NT5C2: variants seen among roughly 807,000 people sequenced by gnomAD.
The protein encoded by NT5C2 is cytosolic purine 5'-nucleotidase.
A neutral mutation model predicts 76.1 loss-of-function variants in NT5C2; 58 were observed. The observed-to-expected ratio is 0.76, with a 90% CI of 0.62 to 0.95. The LOEUF (loss-of-function observed/expected upper bound fraction) is 0.95, where lower values mean the gene tolerates loss of function less well. Among genes scored for constraint, NT5C2 ranks in the 40% least tolerant of loss-of-function variants. The probability of loss-of-function intolerance (pLI) is 0.00; values close to 1 mark genes in which losing one functional copy is unlikely to be tolerated. For synonymous variants in NT5C2, 229 were observed against 237.4 expected, an observed-to-expected ratio of 0.96 and a Z score of 0.32; for missense variants, 478 against 690.3, an observed-to-expected ratio of 0.69 and a Z score of 3.45.
Position 103,089,497 on chromosome 10 carries a change from G to A in NT5C2, c.*175C>T. The A allele has an allele frequency of 8.3e-7, 1 of 1,207,488 alleles. No homozygotes were observed. Among genetic ancestry groups the A allele is most frequent in the South Asian group, 1.9e-5 (1 of 52,524 alleles). 74.8% of individuals were successfully genotyped at this position (1,207,488 alleles called of 1,614,324 possible). A position where few individuals can be genotyped will look rare whatever the true frequency, so the allele number is the denominator to read the frequency against. ...TTTTGGACCATCTGCAGAGAGTACA[G>A]ATACACAAAACCAAAACAAGTATCT... On this transcript the variant is annotated 3_prime_UTR_variant, in exon 19 of 19. Transcript: ENST00000404739.
In NT5C2 at chr10:103,097,358, A is replaced by C; in HGVS notation, c.704T>G (p.Leu235Arg). Residue 235 changes from leucine to arginine, a missense_variant, in exon 11 of 19, where the codon CTT becomes CGT. By Grantham distance (102) the Leu-to-Arg change is moderately radical (BLOSUM62 -2). Transcript: ENST00000404739. ...CCCTACTTCCTTCATCCGGCTCAGA[A>C]GCAAAGGCAGTTTTCCCTGAAATGT... ...YVVKDGKLPLLLSRMKEVGKV... is the reference protein window; with the variant it reads ...YVVKDGKLPLRLSRMKEVGKV... 1 of 1,613,720 alleles carries C rather than the reference A, an allele frequency of 6.2e-7. No homozygotes were observed. The highest frequency in any genetic ancestry group is 8.5e-7 in the Non-Finnish European group (1 of 1,179,740).
At chr10:103,159,293 A>ACACACACAC (rs61684615) in intron 3 of NT5C2, among the ~76,000 whole-genome samples, 2 of 149,514 alleles carry the variant, frequency 1.3e-5, no homozygotes, top group Non-Finnish European at 3.0e-5. Flanking sequence ...ACACACACAC[A>ACACACACAC]ATTAGAGCTA....
intron 3 of NT5C2, among the ~76,000 whole-genome samples, chr10:103,142,872 A>T (rs2080754004): frequency 1.3e-5 from 2 of 151,506 alleles, no homozygotes; most frequent in Non-Finnish European, 2.9e-5. Flanking sequence ...AATCCCAGCT[A>T]CTCAGGAGGC....
intron 1 of NT5C2, among the ~76,000 whole-genome samples, chr10:103,187,493 A>T (rs947085208): frequency 1.3e-5 from 2 of 150,694 alleles, no homozygotes; most frequent in Non-Finnish European, 3.0e-5. Context: ...CAGAGGTTGC[A>T]GTGAGCTGAG....
intron 4 of NT5C2, among the ~76,000 whole-genome samples, chr10:103,130,018 G>A (rs1200688546): frequency 2.6e-5 from 4 of 151,496 alleles, no homozygotes; most frequent in African/African-American, 7.3e-5. Context: ...GAAGTGAGGA[G>A]CCCCTCTGCC....
At chr10:103,143,619 T>G (rs1465148473) in intron 3 of NT5C2, among the ~76,000 whole-genome samples, 10 of 141,274 alleles carry the variant, frequency 7.1e-5, no homozygotes, top group East Asian at 6.1e-4. Flanking sequence ...TTTTTTTTTT[T>G]TTTTTTTTTT....
intron 3 of NT5C2, among the ~76,000 whole-genome samples, chr10:103,148,325 G>A (rs569980199): frequency 6.6e-6 from 1 of 152,334 alleles, no homozygotes; most frequent in Non-Finnish European, 1.5e-5. Flanking sequence ...AGCAGTGGCT[G>A]GGTGCGGTGG....
intron 3 of NT5C2, among the ~76,000 whole-genome samples, chr10:103,172,035 C>A (rs917141298): frequency 6.6e-6 from 1 of 151,814 alleles, no homozygotes; most frequent in African/African-American, 2.4e-5. Flanking sequence ...CACGGTGAAA[C>A]CCTGTCTCTA....
At chr10:103,192,201 C>G (rs556781578) in intron 1 of NT5C2, among the ~76,000 whole-genome samples, 1 of 152,056 alleles carries the variant, frequency 6.6e-6, no homozygotes, top group South Asian at 2.1e-4. Context: ...CTTGAAGAGG[C>G]GAAATGAATA....
Position 103,181,271 on chromosome 10 carries a change from T to A in NT5C2, c.-111A>T, listed in dbSNP as rs1019380995. Reference sequence around the variant, plus strand: ...ACTTTGGGAGGCCGAGGCGAATGGATCACTTGACGTCAGGAGATCACATCA... The same window carrying A: ...ACTTTGGGAGGCCGAGGCGAATGGAACACTTGACGTCAGGAGATCACATCA... On this transcript the variant is annotated 5_prime_UTR_variant, in exon 2 of 19. Coordinates refer to ENST00000404739, the MANE Select transcript of NT5C2 (RefSeq NM_001351169.2). 3.3e-5 allele frequency: 5 copies of A among 150,776 alleles called. No individual in the cohort carries two copies. The highest frequency in any genetic ancestry group is 5.9e-5 in the Non-Finnish European group (4 of 67,834). 9.3% of individuals were successfully genotyped at this position (150,776 alleles called of 1,614,324 possible).
chr10:103,150,957 A>T (rs1225776528), intron 3 of NT5C2, among the ~76,000 whole-genome samples: 4 of 152,202 alleles, frequency 2.6e-5, no homozygotes, highest in Non-Finnish European at 5.9e-5. Context: ...TTGATTTTTT[A>T]AATTTTGATG....
chr10:103,145,631 G>A (rs559615975), intron 3 of NT5C2, among the ~76,000 whole-genome samples: 75 of 152,188 alleles, frequency 4.9e-4, no homozygotes, highest in African/African-American at 1.7e-3. Flanking sequence ...CAAACTTGCC[G>A]CCCTAGAAAG....
chr10:103,156,624 G>C (rs1193377381), intron 3 of NT5C2, among the ~76,000 whole-genome samples: 1 of 151,602 alleles, frequency 6.6e-6, no homozygotes, highest in Non-Finnish European at 1.5e-5. Context: ...GCATGGTGGC[G>C]CATGCCTGTA....
At chr10:103,155,346 C>G (rs1309860849) in intron 3 of NT5C2, among the ~76,000 whole-genome samples, 1 of 152,168 alleles carries the variant, frequency 6.6e-6, no homozygotes, top group African/African-American at 2.4e-5. Flanking sequence ...ATTACCTCAT[C>G]TAATCTTTGC....
At chr10:103,133,607 T>C (rs561277915) in intron 4 of NT5C2, among the ~76,000 whole-genome samples, 1 of 152,308 alleles carries the variant, frequency 6.6e-6, no homozygotes, top group South Asian at 2.1e-4. Flanking sequence ...TATGTCTTTA[T>C]TAGCAGCATG....
intron 17 of NT5C2, 28 bp downstream of exon 17, chr10:103,090,908 A>G: frequency 6.2e-7 from 1 of 1,610,872 alleles, no homozygotes; most frequent in Non-Finnish European, 8.5e-7. Flanking sequence ...TTATTTCCCA[A>G]GTTTTCTCCC....
intron 1 of NT5C2, among the ~76,000 whole-genome samples, chr10:103,183,535 G>A (rs1305201883): frequency 8.3e-6 from 1 of 120,728 alleles, no homozygotes. Context: ...TTTTAAAGAC[G>A]AAGTCTCTTT....
At chr10:103,112,602 G>C (rs546194129) in intron 4 of NT5C2, among the ~76,000 whole-genome samples, 1 of 152,080 alleles carries the variant, frequency 6.6e-6, no homozygotes, top group African/African-American at 2.4e-5. Context: ...GAGACATTTA[G>C]GTTTTTGAAA....
chr10:103,115,738 G>C lies in NT5C2; in HGVS notation c.176-9032C>G, dbSNP rs1360455170. Among the ~76,000 whole-genome samples, 3 of 152,046 alleles carry C rather than the reference G, an allele frequency of 2.0e-5. No individual in the cohort carries two copies. The East Asian group carries it at 5.8e-4, about 29-fold the overall frequency. ...CTGGGATACAGACTTGACATAAAGG[G>C]AATCAAAGCTTGGAAACTAAGTATA... On this transcript the variant is annotated intron_variant, in intron 4 of 18. Transcript: ENST00000404739.
Sources: allele counts gnomAD v4.1 joint callset (sites outside exome capture counted in the v4.1 genomes callset), GRCh38; gene constraint gnomAD v4.1.1; transcripts MANE v1.5; gene names NCBI Gene and HGNC (gene_info 2026-07-23, HGNC 2026-07-21).